Variants in ZFAT observed in about 807,000 individuals in gnomAD.
ZFAT encodes zinc finger protein ZFAT.
Under a neutral mutation model 117.7 loss-of-function variants are expected in ZFAT, and 64 were observed. The observed-to-expected ratio is 0.54, with a 90% CI of 0.44 to 0.67. The LOEUF (loss-of-function observed/expected upper bound fraction) is 0.67, where lower values mean the gene tolerates loss of function less well. Ranked by LOEUF, ZFAT falls within the 30% of genes least tolerant of loss-of-function variation. The probability of loss-of-function intolerance (pLI) is 0.00; values close to 1 mark genes in which losing one functional copy is unlikely to be tolerated. For missense variants in ZFAT, 1,433 were observed against 1,584.5 expected, an observed-to-expected ratio of 0.90 and a Z score of 1.62; for synonymous variants, 679 against 615.0, an observed-to-expected ratio of 1.10 and a Z score of -1.54.
At chr8:134,512,641 TTGAC>T in intron 13 of ZFAT, 40 bp from the exon 14 acceptor site, 2 of 1,592,822 alleles carry the variant, frequency 1.3e-6, no homozygotes, top group Middle Eastern at 2.0e-4. Context: ...TCCTAAAAGA[TTGAC>T]TGTTGCCCAG....
chr8:134,720,220 T>G, the ZFAT span, among the ~76,000 whole-genome samples: 373 of 152,348 alleles, frequency 2.4e-3, 1 homozygote, highest in South Asian at 0.02. Context: ...CCCTGCACTG[T>G]GCAAAAGAAC....
chr8:134,606,730 A>G (rs942771697), intron 5 of ZFAT, among the ~76,000 whole-genome samples: 91 of 129,678 alleles, frequency 7.0e-4, no homozygotes, highest in South Asian at 1.6e-3. Flanking sequence ...TCTGTCTCAG[A>G]AAAAAAAAAA....
intron 3 of ZFAT, among the ~76,000 whole-genome samples, chr8:134,612,068 G>T (rs1198267446): frequency 6.6e-6 from 1 of 152,222 alleles, no homozygotes; most frequent in Non-Finnish European, 1.5e-5. Context: ...AAGTGAGGAG[G>T]AAATATAGGG....
intron 3 of ZFAT, among the ~76,000 whole-genome samples, chr8:134,626,989 G>A (rs1829560699): frequency 6.6e-6 from 1 of 152,290 alleles, no homozygotes; most frequent in Non-Finnish European, 1.5e-5. Context: ...GAGGGTACAG[G>A]GGGCTTCCCA....
chr8:134,692,032 T>C (rs1436820778), intron 1 of ZFAT, among the ~76,000 whole-genome samples: 1 of 152,136 alleles, frequency 6.6e-6, no homozygotes, highest in Non-Finnish European at 1.5e-5. Context: ...TAATTTTGTA[T>C]TTTAGTAGAG....
At chr8:134,750,115 A>G in the ZFAT span, among the ~76,000 whole-genome samples, 1 of 152,212 alleles carries the variant, frequency 6.6e-6, no homozygotes, top group Non-Finnish European at 1.5e-5. Flanking sequence ...TATTCCATGA[A>G]CATGGTATAA....
chr8:134,738,421 T>C, the ZFAT span, among the ~76,000 whole-genome samples: 1 of 152,240 alleles, frequency 6.6e-6, no homozygotes, highest in Non-Finnish European at 1.5e-5. Flanking sequence ...CTTGTGAGGC[T>C]TAGCTTTTCA....
At chr8:134,767,436 G>A in the ZFAT span, among the ~76,000 whole-genome samples, 1 of 152,176 alleles carries the variant, frequency 6.6e-6, no homozygotes, top group Admixed American at 6.5e-5. Context: ...TTTATTCTTA[G>A]TAATGCCATT....
At chr8:134,600,769 C>G in intron 6 of ZFAT, 101 bp from the exon 7 acceptor site, 2 of 968,802 alleles carry the variant, frequency 2.1e-6, no homozygotes, top group East Asian at 2.7e-5. Context: ...CTATCTCCCT[C>G]TTGCGCTTGT....
intron 11 of ZFAT, among the ~76,000 whole-genome samples, chr8:134,564,784 A>G (rs1824308730): frequency 6.6e-6 from 1 of 152,178 alleles, no homozygotes; most frequent in Admixed American, 6.5e-5. Flanking sequence ...CAATAATTGC[A>G]TCATAAGCAG....
the ZFAT span, among the ~76,000 whole-genome samples, chr8:134,775,404 T>A: frequency 2.0e-5 from 3 of 152,234 alleles, no homozygotes; most frequent in Non-Finnish European, 4.4e-5. Flanking sequence ...TGGCCACTCA[T>A]ATGACATAAA....
chr8:134,572,755 T>C (rs1825017746), intron 10 of ZFAT, among the ~76,000 whole-genome samples: 1 of 152,080 alleles, frequency 6.6e-6, no homozygotes, highest in South Asian at 2.1e-4. Context: ...GAAACACTCT[T>C]GCAGAACACA....
At chr8:134,797,879 T>C in the ZFAT span, 14 of 152,040 alleles carry the variant, frequency 9.2e-5, no homozygotes, top group South Asian at 2.9e-3. Context: ...AAAACAAGAA[T>C]ATTTCTAGAT....
chr8:134,724,820 A>G, the ZFAT span, among the ~76,000 whole-genome samples: 1 of 152,032 alleles, frequency 6.6e-6, no homozygotes, highest in South Asian at 2.1e-4. Flanking sequence ...CAAGATTACC[A>G]TGGGCTGTGG....
At chr8:134,818,628 T>C in the ZFAT span, among the ~76,000 whole-genome samples, 1 of 152,180 alleles carries the variant, frequency 6.6e-6, no homozygotes. Context: ...TTTATGTCCA[T>C]ACAAAGACAT....
intron 12 of ZFAT, among the ~76,000 whole-genome samples, chr8:134,526,219 A>C (rs959183634): frequency 6.6e-6 from 1 of 152,236 alleles, no homozygotes; most frequent in Admixed American, 6.5e-5. Context: ...TTCTTATATT[A>C]TATTTAAATT....
intron 13 of ZFAT, among the ~76,000 whole-genome samples, chr8:134,513,278 A>G (rs1383749253): frequency 6.6e-6 from 1 of 151,510 alleles, no homozygotes; most frequent in East Asian, 1.9e-4. Flanking sequence ...GCTCACTGCA[A>G]TCTCTGCCCG....
At chr8:134,596,572 T>C (rs1018633296) in intron 7 of ZFAT, among the ~76,000 whole-genome samples, 1 of 152,216 alleles carries the variant, frequency 6.6e-6, no homozygotes, top group Admixed American at 6.5e-5. Context: ...TTAGGTGATT[T>C]CACAAAGAAT....
At chr8:134,483,817 C>T (rs10103826) in intron 15 of ZFAT, among the ~76,000 whole-genome samples, 18,781 of 152,196 alleles carry the variant, frequency 0.12, 1,273 homozygotes, top group Middle Eastern at 0.19. Flanking sequence ...GGGCTCTCTT[C>T]GTGCTAAAAG....
Sources: gnomAD v4.1 joint callset for allele counts (sites outside exome capture counted in the v4.1 genomes callset) on GRCh38, gnomAD v4.1.1 for gene constraint, MANE v1.5 for transcripts, NCBI Gene and HGNC (gene_info 2026-07-23, HGNC 2026-07-21) for gene names.